ARMC1: variants seen among roughly 807,000 people sequenced by gnomAD.
ARMC1 encodes armadillo repeat-containing protein 1.
Under a neutral mutation model 31.4 loss-of-function variants are expected in ARMC1, and 16 were observed. The ratio of observed to expected loss-of-function variants is 0.51; its 90% CI spans 0.34 to 0.77. The LOEUF (loss-of-function observed/expected upper bound fraction) is 0.77, where lower values mean the gene tolerates loss of function less well. Among genes scored for constraint, ARMC1 ranks in the 30% least tolerant of loss-of-function variants. The probability of loss-of-function intolerance (pLI) is 0.01; values close to 1 mark genes in which losing one functional copy is unlikely to be tolerated. For missense variants in ARMC1, 259 were observed against 347.5 expected, an observed-to-expected ratio of 0.75 and a Z score of 2.02; for synonymous variants, 114 against 118.9, an observed-to-expected ratio of 0.96 and a Z score of 0.27.
In ARMC1 at chr8:65,613,063, T is replaced by C. The variant is rs186948506; in HGVS notation, c.465+181A>G. Among the ~76,000 whole-genome samples the C allele has an allele frequency of 1.5e-3, 229 of 152,296 alleles. 2 individuals are homozygous for C. The highest frequency in any genetic ancestry group is 0.013 in the Admixed American group (192 of 15,286). On this transcript the variant is annotated intron_variant, in intron 4 of 6. Coordinates refer to ENST00000276569, the MANE Select transcript of ARMC1 (RefSeq NM_018120.6). The stretch of plus-strand genomic sequence containing the variant: ...CTTCATATATTTCGATGTTCTATTA[T>C]TAGGGACATACATATTTTAAATTCT...
intron 1 of ARMC1, among the ~76,000 whole-genome samples, chr8:65,628,391 A>ATTTTTTTTTTTTTTTTTTTTT (rs763494218): frequency 1.3e-5 from 1 of 78,810 alleles, no homozygotes. Context: ...CGCCCGGCTA[A>ATTTTTTTTTTTTTTTTTTTTT]TTTTTTTTTT....
intron 3 of ARMC1, among the ~76,000 whole-genome samples, chr8:65,615,550 C>T (rs1298050775): frequency 6.6e-6 from 1 of 151,768 alleles, no homozygotes; most frequent in East Asian, 1.9e-4. Context: ...ACTAAAAAAG[C>T]ACAAAAACTA....
rs538324950 is a variant in ARMC1, at chr8:65,624,498, C to CAA, written c.184-2146_184-2145dup. 2.0e-4 allele frequency among the ~76,000 whole-genome samples: 19 copies of CAA among 95,394 alleles called. 1 individual carries two copies. Among genetic ancestry groups the CAA allele is most frequent in the East Asian group, 1.7e-3 (5 of 3,008 alleles). 62.6% of individuals were successfully genotyped at this position (95,394 alleles called of 152,430 possible). A position where few individuals can be genotyped will look rare whatever the true frequency, so the allele number is the denominator to read the frequency against. ...TAGGTGACAGAGCAAGACTCCATCT[C>CAA]AAAAAAAAAAAAAGACATTTTTAAA... On this transcript the variant is annotated intron_variant, in intron 2 of 6. Coordinates refer to ENST00000276569, the MANE Select transcript of ARMC1 (RefSeq NM_018120.6).
At chr8:65,623,730 A>AC (rs202149889) in intron 2 of ARMC1, among the ~76,000 whole-genome samples, 1 of 85,728 alleles carries the variant, frequency 1.2e-5, no homozygotes, top group African/African-American at 4.9e-5. Flanking sequence ...AAGAACAAGA[A>AC]TTACGGCAGT....
rs759381421 is a variant in ARMC1 at position 65,613,267 on chromosome 8, G to A, written c.442C>T (p.His148Tyr). The change falls in exon 4 of 7, where the codon CAT (histidine) becomes TAT (tyrosine). Residue 148 changes from histidine (H) to tyrosine (Y), a missense_variant. Transcript: ENST00000276569. Reference sequence around the variant, plus strand: ...ACCGTATCATCAAGGCCATCTATATGCAAAACCACTGTTTTGGCACGTTTG... The same window carrying A: ...ACCGTATCATCAAGGCCATCTATATACAAAACCACTGTTTTGGCACGTTTG... ...TNKRAKTVVLHIDGLDDTSRR... is the reference protein window; with the variant it reads ...TNKRAKTVVLYIDGLDDTSRR... 15 of 1,608,174 alleles carry A rather than the reference G, an allele frequency of 9.3e-6. No homozygotes were observed. The highest frequency in any genetic ancestry group is 1.3e-5 in the Non-Finnish European group (15 of 1,178,278).
At position 65,605,542 on chromosome 8, in the gene ARMC1, A is replaced by G. The variant is rs1469677825; in HGVS notation, c.466-4T>C. 3 of 1,587,366 alleles carry G rather than the reference A, an allele frequency of 1.9e-6. No homozygotes were observed. The highest frequency in any genetic ancestry group is 2.6e-6 in the Non-Finnish European group (3 of 1,155,866). ...CTTCACATAGATTTCTCCGAGACTG[A>G]AAAAGTAAAAGCAAATTGTTATGAA... On this transcript the variant is annotated splice_polypyrimidine_tract_variant and splice_region_variant and intron_variant, in intron 4 of 6. Transcript: ENST00000276569.
At chr8:65,605,845 G>T (rs902002346) in intron 4 of ARMC1, among the ~76,000 whole-genome samples, 7 of 152,146 alleles carry the variant, frequency 4.6e-5, no homozygotes, top group African/African-American at 1.7e-4. Flanking sequence ...ACAACACAGG[G>T]GGAAAAAATA....
Position 65,627,302 on chromosome 8 carries a change from C to A in ARMC1, c.97G>T (p.Ala33Ser), listed in dbSNP as rs1179272166. Residue 33 changes from alanine (A) to serine (S), a missense_variant, in exon 2 of 7, where the codon GCC becomes TCC. Around this residue, in one of 3 missense-constraint regions of ARMC1, gnomAD observed 163 missense variants for 186.7 expected, o/e 0.87. Coordinates refer to ENST00000276569, the MANE Select transcript of ARMC1 (RefSeq NM_018120.6). ...AGACATCCCTGATCCTGGACGATGG[C>A]TCTTCTGTTTAACGGATCTGCTGCT... ...DLAADPLNRRAIVQDQGCLPG... is the reference protein window; with the variant it reads ...DLAADPLNRRSIVQDQGCLPG... 6.2e-7 allele frequency: 1 copy of A among 1,613,452 alleles called. No homozygotes were observed. The highest frequency in any genetic ancestry group is 2.2e-5 in the East Asian group (1 of 44,854).
intron 3 of ARMC1, among the ~76,000 whole-genome samples, chr8:65,614,062 C>G (rs1333881039): frequency 1.3e-5 from 2 of 152,040 alleles, no homozygotes; most frequent in African/African-American, 2.4e-5. Context: ...ACATTCAACT[C>G]TCAATTTGAA....
At chr8:65,627,514 C>G in intron 1 of ARMC1, 81 bp from the exon 2 acceptor site, 1 of 734,144 alleles carries the variant, frequency 1.4e-6, no homozygotes, top group Non-Finnish European at 2.0e-6. Context: ...ATTACAACAC[C>G]TTTAGAAAGA....
intron 1 of ARMC1, among the ~76,000 whole-genome samples, chr8:65,632,484 G>A (rs1306548272): frequency 6.6e-6 from 1 of 152,104 alleles, no homozygotes; most frequent in Admixed American, 6.6e-5. Context: ...GTGGTGGGGG[G>A]CACCTGTAGT....
intron 2 of ARMC1, among the ~76,000 whole-genome samples, chr8:65,622,909 G>A (rs1808423746): frequency 6.6e-6 from 1 of 151,766 alleles, no homozygotes; most frequent in Non-Finnish European, 1.5e-5. Flanking sequence ...GGAAGGCTGA[G>A]GGAGCAGAAT....
chr8:65,616,282 G>C (rs911464218), intron 3 of ARMC1, among the ~76,000 whole-genome samples: 2 of 152,160 alleles, frequency 1.3e-5, no homozygotes, highest in African/African-American at 4.8e-5. Context: ...GCAGGCACGC[G>C]CTGCCACGCC....
intron 2 of ARMC1, among the ~76,000 whole-genome samples, chr8:65,625,053 G>A (rs1585718582): frequency 6.6e-6 from 1 of 152,084 alleles, no homozygotes; most frequent in Non-Finnish European, 1.5e-5. Context: ...CCCAGGAGGC[G>A]GAGGTTGCAG....
chr8:65,629,566 C>T (rs542186881), intron 1 of ARMC1, among the ~76,000 whole-genome samples: 1 of 152,094 alleles, frequency 6.6e-6, no homozygotes, highest in Admixed American at 6.6e-5. Flanking sequence ...TTTGGGAGGC[C>T]AAGGCAGGCG....
At position 65,604,182 on chromosome 8, in the gene ARMC1, T is replaced by C; in HGVS notation, c.*212A>G. The C allele has an allele frequency of 2.2e-6, 1 of 454,668 alleles. No homozygotes were observed. Among genetic ancestry groups the C allele is most frequent in the South Asian group, 4.5e-5 (1 of 22,294 alleles). 28.2% of individuals were successfully genotyped at this position (454,668 alleles called of 1,614,324 possible). On this transcript the variant is annotated 3_prime_UTR_variant, in exon 7 of 7. Coordinates refer to ENST00000276569, the MANE Select transcript of ARMC1 (RefSeq NM_018120.6). ...ATGAAAGAAAACAAACCAAAATACT[T>C]TCATAAACAAAGCAACTCCATCTGT...
intron 2 of ARMC1, among the ~76,000 whole-genome samples, chr8:65,623,379 C>T (rs957667060): frequency 4.1e-5 from 6 of 147,702 alleles, no homozygotes; most frequent in Non-Finnish European, 7.4e-5. Flanking sequence ...GAGGCCAAGG[C>T]AGGCCGATCA....
At chr8:65,620,790 A>T in intron 3 of ARMC1, among the ~76,000 whole-genome samples, 1 of 151,164 alleles carries the variant, frequency 6.6e-6, no homozygotes, top group Non-Finnish European at 1.5e-5. Flanking sequence ...AAAAGAATTT[A>T]GTTCCATTTA....
intron 1 of ARMC1, 32 bp downstream of exon 1, chr8:65,633,966 T>C (rs961376703): frequency 6.6e-6 from 1 of 152,426 alleles, no homozygotes; most frequent in Non-Finnish European, 1.5e-5. Flanking sequence ...CCGGCTCCAC[T>C]GCTTTGTCTG....
Sources: allele counts gnomAD v4.1 joint callset (sites outside exome capture counted in the v4.1 genomes callset), GRCh38; gene constraint gnomAD v4.1.1; regional missense constraint gnomAD v4.1.1; transcripts MANE v1.5; gene names NCBI Gene and HGNC (gene_info 2026-07-23, HGNC 2026-07-21).